MYL6B: variants seen among roughly 807,000 people sequenced by gnomAD.
MYL6B encodes the protein myosin alkali light chain 1 slow a.
A neutral mutation model predicts 24.5 loss-of-function variants in MYL6B; 19 were observed. The ratio of observed to expected loss-of-function variants is 0.78; its 90% CI spans 0.54 to 1.14. The LOEUF is 1.14. Ranked by LOEUF, MYL6B falls within the 50% of genes most tolerant of loss-of-function variation. The probability of loss-of-function intolerance (pLI) is 0.00; values close to 1 mark genes in which losing one functional copy is unlikely to be tolerated. For synonymous variants in MYL6B, 90 were observed against 100.7 expected (o/e 0.89, Z 0.64); for missense variants, 230 against 263.8 (o/e 0.87, Z 0.89).
At chr12:56,155,431 G>A (rs756820721) in exon 5 of MYL6B, 9 of 1,614,058 alleles carry the variant, frequency 5.6e-6, no homozygotes, top group East Asian at 2.2e-5. Context: ...CTGAAGTCGC[G>A]GCGTGTGGAC....
At position 56,155,117 on chromosome 12, in the gene MYL6B, T is replaced by C. The variant is rs774948098; in HGVS notation, c.265T>C (p.Cys89Arg). 2.8e-5 allele frequency: 45 copies of C among 1,613,944 alleles called. No homozygotes were observed. The highest frequency in any genetic ancestry group is 3.7e-5 in the Non-Finnish European group (44 of 1,179,980). ...GGATGGCAAGATCCTGTACAGCCAG[T>C]GTGGGGACGTGATGAGGGCCCTGGG... The change falls in exon 4 of 7, where the codon TGT (cysteine) becomes CGT (arginine). Residue 89 changes from cysteine to arginine, a missense_variant. Cys to Arg is a radical substitution (Grantham distance 180). Coordinates refer to ENST00000553066, the Ensembl canonical transcript of MYL6B.
chr12:56,154,242 C>G (rs1297317076), intron 2 of MYL6B, 150 bp downstream of exon 2: 7 of 790,802 alleles, frequency 8.9e-6, no homozygotes, highest in Non-Finnish European at 1.4e-5. Context: ...TTGGAAGCAT[C>G]CAGTCTTATG....
At chr12:56,154,048 C>A (rs771164937) in exon 2 of MYL6B, 2 of 1,614,014 alleles carry the variant, frequency 1.2e-6, no homozygotes, top group Admixed American at 3.3e-5. Context: ...CCCCCAGGCC[C>A]CTCAGAAAAC....
At chr12:56,153,802 G>A in intron 1 of MYL6B, 71 bp from the exon 2 acceptor site, 1 of 1,098,936 alleles carries the variant, frequency 9.1e-7, no homozygotes, top group Non-Finnish European at 1.3e-6. Context: ...CCTCATCTTT[G>A]CCACAGCCAA....
chr12:56,157,788 T>C, exon 7 of MYL6B: 1 of 1,582,772 alleles, frequency 6.3e-7, no homozygotes, highest in Non-Finnish European at 8.6e-7. Context: ...CTCCCGCCCT[T>C]CTCTCAGCCA....
chr12:56,152,836 C>T (rs999215465), intron 1 of MYL6B, among the ~76,000 whole-genome samples: 1 of 152,086 alleles, frequency 6.6e-6, no homozygotes, highest in Non-Finnish European at 1.5e-5. Context: ...CTATCTTCCT[C>T]AGAATGCTAC....
At chr12:56,154,943 C>A in intron 3 of MYL6B, 103 bp downstream of exon 3, 1 of 1,561,194 alleles carries the variant, frequency 6.4e-7, no homozygotes, top group South Asian at 1.2e-5. Flanking sequence ...ACCTCCCATA[C>A]TAGTCCTCTT....
At chr12:56,155,547 G>T in exon 5 of MYL6B, 4 of 1,613,818 alleles carry the variant, frequency 2.5e-6, no homozygotes, top group Non-Finnish European at 3.4e-6. Context: ...GGAGGGGAAC[G>T]GCAAAGTCAT....
At chr12:56,153,117 C>G (rs1401224849) in intron 1 of MYL6B, among the ~76,000 whole-genome samples, 1 of 152,092 alleles carries the variant, frequency 6.6e-6, no homozygotes, top group Non-Finnish European at 1.5e-5. Flanking sequence ...ACAGGTTCAG[C>G]AAGCACCCTA....
At chr12:56,155,543 G>T in exon 5 of MYL6B, 2 of 1,613,902 alleles carry the variant, frequency 1.2e-6, no homozygotes, top group Non-Finnish European at 1.7e-6. Flanking sequence ...ACAAGGAGGG[G>T]AACGGCAAAG....
In MYL6B at chr12:56,155,129, A is replaced by G. The variant is rs200968245; in HGVS notation, c.277A>G (p.Met93Val). 4.6e-4 allele frequency: 746 copies of G among 1,613,944 alleles called. No individual in the cohort carries two copies. The highest frequency in any genetic ancestry group is 4.8e-4 in the Non-Finnish European group (563 of 1,179,980). The stretch of plus-strand genomic sequence containing the variant: ...CCTGTACAGCCAGTGTGGGGACGTG[A>G]TGAGGGCCCTGGGCCAGAACCCCAC... Residue 93 changes from methionine to valine, a missense_variant, in exon 4 of 7, where the codon ATG (methionine) becomes GTG (valine). By Grantham distance (21) the Met-to-Val change is conservative (BLOSUM62 1). Transcript: ENST00000553066.
intron 2 of MYL6B, 120 bp downstream of exon 2, chr12:56,154,212 G>A (rs1328688092): frequency 1.2e-5 from 13 of 1,055,044 alleles, no homozygotes; most frequent in Non-Finnish European, 1.8e-5. Context: ...TGAGATTGGG[G>A]CTTTCCCTTA....
intron 5 of MYL6B, 161 bp downstream of exon 5, chr12:56,155,753 G>C (rs1207927458): frequency 2.6e-6 from 4 of 1,532,488 alleles, no homozygotes; most frequent in Non-Finnish European, 3.5e-6. Context: ...AGAATCTGAA[G>C]GACTCGCTCT....
At chr12:56,157,376 C>T (rs1182960533) in intron 5 of MYL6B, 92 bp from the exon 6 acceptor site, 12 of 1,248,906 alleles carry the variant, frequency 9.6e-6, no homozygotes, top group Admixed American at 2.2e-5. Context: ...GCGACAGGAG[C>T]GAAACTCCGT....
Position 56,157,678 on chromosome 12 carries a change from C to T in MYL6B, c.599-20C>T. ...CCAAAGGCCTGCTTCTGAAGCCCCT[C>T]TTGCCTCCTCTCTCTGCAGCCTTCT... On this transcript the variant is annotated intron_variant, in intron 6 of 6. Transcript: ENST00000553066. The T allele has an allele frequency of 1.2e-6, 2 of 1,613,266 alleles. No homozygotes were observed. Among genetic ancestry groups the T allele is most frequent in the South Asian group, 1.1e-5 (1 of 91,080 alleles).
At chr12:56,157,708 A>C (rs751311461) in exon 7 of MYL6B, 3 of 1,612,674 alleles carry the variant, frequency 1.9e-6, no homozygotes, top group Non-Finnish European at 2.5e-6. Flanking sequence ...CCTTCTTGAA[A>C]CACATCCTAA....
exon 5 of MYL6B, chr12:56,155,541 G>A (rs1304292557): frequency 1.2e-6 from 2 of 1,613,930 alleles, no homozygotes; most frequent in Admixed American, 3.3e-5. Flanking sequence ...TGACAAGGAG[G>A]GGAACGGCAA....
chr12:56,156,534 G>A (rs1871313789), intron 5 of MYL6B, among the ~76,000 whole-genome samples: 5 of 151,760 alleles, frequency 3.3e-5, no homozygotes, highest in Admixed American at 3.3e-4. Flanking sequence ...TAACCCGGGA[G>A]GTGGAGGTTG....
rs1871396950 is a variant in MYL6B at position 56,157,783 on chromosome 12, G to T, written c.*57G>T. On this transcript the variant is annotated 3_prime_UTR_variant, in exon 7 of 7. Coordinates refer to ENST00000553066, the Ensembl canonical transcript of MYL6B. ...CCGCGCCTTACGAGGCAAGTCTCCC[G>T]CCCTTCTCTCAGCCAACATAGAAAA... 8 of 1,589,146 alleles carry T rather than the reference G, an allele frequency of 5.0e-6. No homozygotes were observed. In the South Asian group the frequency reaches 8.9e-5, roughly 18 times the overall value.
Sources: gnomAD v4.1 joint callset for allele counts (sites outside exome capture counted in the v4.1 genomes callset) on GRCh38, gnomAD v4.1.1 for gene constraint, MANE v1.5 for transcripts, NCBI Gene and HGNC (gene_info 2026-07-23, HGNC 2026-07-21) for gene names.